The following ITIH2 variants were observed in gnomAD, a reference collection of about 807,000 sequenced individuals.
ITIH2 encodes inter-alpha-trypsin inhibitor heavy chain H2.
Under a neutral mutation model 104.4 loss-of-function variants are expected in ITIH2, and 103 were observed. The ratio of observed to expected loss-of-function variants is 0.99; its 90% CI spans 0.84 to 1.16. The LOEUF is 1.16. Among genes scored for constraint, ITIH2 ranks in the 50% most tolerant of loss-of-function variants. ITIH2 has a pLI of 0.00. For synonymous variants in ITIH2, 436 were observed against 435.4 expected, an observed-to-expected ratio of 1.00 and a Z score of -0.02; for missense variants, 1,108 against 1,162.4, an observed-to-expected ratio of 0.95 and a Z score of 0.68.
intron 6 of ITIH2, 65 bp from the exon 7 acceptor site, chr10:7,720,791 A>T: frequency 2.0e-6 from 2 of 1,003,564 alleles, no homozygotes; most frequent in Non-Finnish European, 3.2e-6. Flanking sequence ...TTGTAATTTT[A>T]CTTCTTGCTT....
chr10:7,723,230 CAGCGTGGAGTGGAGT>C (rs1834923171), intron 8 of ITIH2, among the ~76,000 whole-genome samples: 1 of 145,632 alleles, frequency 6.9e-6, no homozygotes, highest in South Asian at 2.2e-4. Flanking sequence ...TGGAGTGAAG[CAGCGTGGAGTGGAGT>C]GGAGCGGAAT....
intron 14 of ITIH2, among the ~76,000 whole-genome samples, chr10:7,733,204 C>T (rs1048762261): frequency 6.6e-6 from 1 of 152,152 alleles, no homozygotes; most frequent in Non-Finnish European, 1.5e-5. Context: ...CTAAATTTCA[C>T]ATAATCATGC....
In ITIH2 at chr10:7,721,823, G is replaced by A. The variant is rs1003074124; in HGVS notation, c.867+46G>A. On this transcript the variant is annotated intron_variant, in intron 8 of 20. Transcript: ENST00000358415. ...GTTCTACTGCCAAGCTCGTGCCAAA[G>A]AGCTGCTCCTTTTTGAACAAACTCC... The A allele has an allele frequency of 2.5e-6, 4 of 1,603,540 alleles. No individual in the cohort carries two copies. The African/African-American group carries it at 5.4e-5, about 21-fold the overall frequency.
intron 12 of ITIH2, 147 bp downstream of exon 12, chr10:7,730,280 A>C: frequency 1.7e-6 from 1 of 593,240 alleles, no homozygotes. Context: ...GGAAGTGCCC[A>C]GTTCCTTTCT....
At chr10:7,742,021 C>T (rs1482971431) in intron 16 of ITIH2, among the ~76,000 whole-genome samples, 1 of 152,206 alleles carries the variant, frequency 6.6e-6, no homozygotes, top group African/African-American at 2.4e-5. Flanking sequence ...CATCTTCATT[C>T]TCACAGCATT....
chr10:7,730,914 G>A (rs921669569), intron 12 of ITIH2, among the ~76,000 whole-genome samples: 2 of 151,996 alleles, frequency 1.3e-5, no homozygotes, highest in Non-Finnish European at 2.9e-5. Flanking sequence ...TGTCACCCAG[G>A]CTGGGTGACA....
In ITIH2 at chr10:7,735,177, C is replaced by G. The variant is rs560201771; in HGVS notation, c.1957+86C>G. 3.3e-6 allele frequency: 4 copies of G among 1,213,084 alleles called. No homozygotes were observed. In the Admixed American group the frequency reaches 7.1e-5, roughly 22 times the overall value. The allele number at this position is 1,213,084 out of a possible 1,614,324, so 75.1% of individuals were successfully genotyped here. A position where few individuals can be genotyped will look rare whatever the true frequency, so the allele number is the denominator to read the frequency against. ...AAGTCCTAGTGCCTCCGCTCTCTCCCACCCCAGCCCACCTCTTGCTCCCAG... is the reference window on the plus strand; with the variant it reads ...AAGTCCTAGTGCCTCCGCTCTCTCCGACCCCAGCCCACCTCTTGCTCCCAG... On this transcript the variant is annotated intron_variant, in intron 15 of 20. Transcript: ENST00000358415.
intron 20 of ITIH2, among the ~76,000 whole-genome samples, chr10:7,748,656 C>T (rs1287647827): frequency 6.8e-6 from 1 of 146,384 alleles, no homozygotes; most frequent in African/African-American, 2.5e-5. Flanking sequence ...ATTCTCTTGC[C>T]TCAGCCTCCC....
chr10:7,709,754 C>T (rs1455741487), intron 4 of ITIH2, among the ~76,000 whole-genome samples: 1 of 152,216 alleles, frequency 6.6e-6, no homozygotes, highest in Non-Finnish European at 1.5e-5. Flanking sequence ...TTTCCACTTT[C>T]TACCCAATGA....
rs372266950 is a variant in ITIH2, at chr10:7,746,068, T to TAAA, written c.2582-495_2582-493dup. The stretch of plus-strand genomic sequence containing the variant: ...CACACCCGGCCCCAAATCTTAAATT[T>TAAA]AAAAAAAAAAAAAAAAAAAAAAAAA... On this transcript the variant is annotated intron_variant, in intron 19 of 20. Coordinates refer to ENST00000358415, the MANE Select transcript of ITIH2 (RefSeq NM_002216.3). Among the ~76,000 whole-genome samples, 39 of 35,786 alleles carry TAAA rather than the reference T, an allele frequency of 1.1e-3. 1 individual carries two copies. Among genetic ancestry groups the TAAA allele is most frequent in the African/African-American group, 2.2e-3 (24 of 10,882 alleles). The allele number at this position is 35,786 out of a possible 152,430, so 23.5% of individuals were successfully genotyped here. A position where few individuals can be genotyped will look rare whatever the true frequency, so the allele number is the denominator to read the frequency against.
intron 16 of ITIH2, 40 bp downstream of exon 16, chr10:7,738,798 C>T (rs202071114): frequency 3.9e-6 from 6 of 1,528,508 alleles, no homozygotes; most frequent in Non-Finnish European, 4.4e-6. Flanking sequence ...AGAACTCAGC[C>T]GACCATAATC....
intron 6 of ITIH2, 85 bp from the exon 7 acceptor site, chr10:7,720,771 G>T: frequency 1.2e-6 from 1 of 819,228 alleles, no homozygotes; most frequent in Non-Finnish European, 2.1e-6. Flanking sequence ...AAAAGCATCA[G>T]AGGACTTATT....
At chr10:7,722,430 G>C (rs143785115) in intron 8 of ITIH2, among the ~76,000 whole-genome samples, 1 of 152,282 alleles carries the variant, frequency 6.6e-6, no homozygotes, top group African/African-American at 2.4e-5. Context: ...AAAGAGGATG[G>C]TCAGGAGTCC....
chr10:7,732,113 G>A (rs1835009250), intron 13 of ITIH2, 117 bp downstream of exon 13: 3 of 926,638 alleles, frequency 3.2e-6, no homozygotes, highest in South Asian at 3.2e-5. Flanking sequence ...AATCAGTGAT[G>A]GAGAAGGCAT....
chr10:7,737,418 T>C (rs1026693926), intron 15 of ITIH2, among the ~76,000 whole-genome samples: 2 of 135,240 alleles, frequency 1.5e-5, no homozygotes, highest in Non-Finnish European at 3.1e-5. Context: ...TATATATATA[T>C]ATATATATAC....
At chr10:7,732,527 C>A in intron 14 of ITIH2, 50 bp downstream of exon 14, 1 of 1,583,162 alleles carries the variant, frequency 6.3e-7, no homozygotes, top group Non-Finnish European at 8.6e-7. Context: ...ACTGAAATGT[C>A]CACCGTGAAT....
chr10:7,732,010 T>C lies in ITIH2; in HGVS notation c.1647+14T>C, dbSNP rs1179285577. 1.3e-6 allele frequency: 2 copies of C among 1,596,242 alleles called. No homozygotes were observed. Among genetic ancestry groups the C allele is most frequent in the Admixed American group, 1.7e-5 (1 of 59,656 alleles). On this transcript the variant is annotated intron_variant, in intron 13 of 20. Coordinates refer to ENST00000358415, the MANE Select transcript of ITIH2 (RefSeq NM_002216.3). The stretch of plus-strand genomic sequence containing the variant: ...ACGGCGACTTCGGTACTTCCACTTA[T>C]CCATTTATTCTATCTACTAACTGAC...
chr10:7,705,294 G>A, intron 2 of ITIH2, 112 bp downstream of exon 2: 1 of 771,770 alleles, frequency 1.3e-6, no homozygotes, highest in Non-Finnish European at 2.2e-6. Context: ...TTGTTTTTTA[G>A]CACAGAAGAG....
At chr10:7,730,750 G>T (rs753613639) in intron 12 of ITIH2, among the ~76,000 whole-genome samples, 67 of 152,166 alleles carry the variant, frequency 4.4e-4, no homozygotes, top group Non-Finnish European at 9.7e-4. Flanking sequence ...TGTAGGGAAA[G>T]AACATGTTTT....
Sources: gnomAD v4.1 joint callset for allele counts (sites outside exome capture counted in the v4.1 genomes callset) on GRCh38, gnomAD v4.1.1 for gene constraint, MANE v1.5 for transcripts, NCBI Gene and HGNC (gene_info 2026-07-23, HGNC 2026-07-21) for gene names.